The following CNGB1 variants were observed in gnomAD, a reference collection of about 807,000 sequenced individuals.
The protein encoded by CNGB1 is cyclic nucleotide gated channel subunit beta 1, also known as cyclic nucleotide-gated channel beta-1.
CNGB1 carries 126 observed loss-of-function variants against 151.7 expected under a neutral mutation model. The ratio of observed to expected loss-of-function variants is 0.83; its 90% CI spans 0.72 to 0.96. CNGB1 has a LOEUF of 0.96. Ranked by LOEUF, CNGB1 falls within the 40% of genes least tolerant of loss-of-function variation. The pLI, the probability that CNGB1 is intolerant of heterozygous loss-of-function variation, is 0.00. For missense variants in CNGB1, 1,698 were observed against 1,627.0 expected (o/e 1.04, Z -0.75); for synonymous variants, 623 against 635.1 (o/e 0.98, Z 0.29).
chr16:57,929,647 GAA>G (rs1483984068), intron 17 of CNGB1, among the ~76,000 whole-genome samples: 1 of 152,184 alleles, frequency 6.6e-6, no homozygotes, highest in Non-Finnish European at 1.5e-5. Flanking sequence ...AGGAGAGAAA[GAA>G]AGAGCAAATG....
Position 57,960,757 on chromosome 16 carries a change from C to T in CNGB1, c.534+83G>A, listed in dbSNP as rs1962231313. ...TGAGTTCTGGGGTGGGTGGGGACAG[C>T]CTGCTGGAGGAGGCAGTCCCTCCTG... On this transcript the variant is annotated intron_variant, in intron 8 of 32. Coordinates refer to ENST00000251102, the MANE Select transcript of CNGB1 (RefSeq NM_001297.5). 2.7e-6 allele frequency: 4 copies of T among 1,457,010 alleles called. No homozygotes were observed. The South Asian group carries it at 4.8e-5, about 17-fold the overall frequency. 90.3% of individuals were successfully genotyped at this position (1,457,010 alleles called of 1,614,324 possible).
In CNGB1 at chr16:57,953,656, C is replaced by T. The variant is rs144213857; in HGVS notation, c.875-3116G>A. On this transcript the variant is annotated intron_variant, in intron 12 of 32. Transcript: ENST00000251102. ...CTGAGCCCTAACTCCAAACCTCCAT[C>T]CTTTCTGGCAGGCCTGGGTCATGAT... Among the ~76,000 whole-genome samples, 673 of 152,196 alleles carry T rather than the reference C, an allele frequency of 4.4e-3. 4 individuals carry two copies. Among genetic ancestry groups the T allele is most frequent in the Middle Eastern group, 0.031 (9 of 294 alleles).
chr16:57,888,144 C>G, intron 31 of CNGB1, 70 bp from the exon 32 acceptor site: 1 of 1,497,034 alleles, frequency 6.7e-7, no homozygotes, highest in Non-Finnish European at 9.2e-7. Flanking sequence ...GCTTCTGCAG[C>G]CTCCTTTAAG....
In CNGB1 at chr16:57,884,432, C is replaced by T. The variant is rs186853874; in HGVS notation, c.3488G>A (p.Gly1163Glu). The T allele has an allele frequency of 1.2e-4, 190 of 1,613,608 alleles. No homozygotes were observed. In the East Asian group the frequency reaches 2.6e-3, roughly 22 times the overall value. The stretch of plus-strand genomic sequence containing the variant: ...GTCTGGGGCGGCGGAGCCTTCCTCT[C>T]CCTTGACGTCTTGCGAGCTCTTGGC... ...EQAKSSQDVKGEEGSAAPDQH... is the reference protein window; with the variant it reads ...EQAKSSQDVKEEEGSAAPDQH... Residue 1163 changes from glycine to glutamate, a missense_variant, in exon 33 of 33, where the codon GGA becomes GAA. Transcript: ENST00000251102.
At chr16:57,895,546 ATT>A (rs200850310) in intron 31 of CNGB1, among the ~76,000 whole-genome samples, 5 of 146,260 alleles carry the variant, frequency 3.4e-5, no homozygotes, top group East Asian at 2.0e-4. Context: ...TTATATATGT[ATT>A]TTTTATATAT....
At chr16:57,927,415 A>G (rs1961219633) in intron 17 of CNGB1, among the ~76,000 whole-genome samples, 1 of 152,184 alleles carries the variant, frequency 6.6e-6, no homozygotes, top group Admixed American at 6.5e-5. Context: ...CTCCCCTCTC[A>G]GGGCTGGGCT....
intron 29 of CNGB1, among the ~76,000 whole-genome samples, chr16:57,898,149 G>C (rs1960285546): frequency 6.6e-6 from 1 of 152,194 alleles, no homozygotes; most frequent in East Asian, 1.9e-4. Flanking sequence ...AACTGACAGG[G>C]TTGCAGTGGG....
intron 29 of CNGB1, 99 bp downstream of exon 29, chr16:57,901,253 G>C: frequency 1.7e-6 from 2 of 1,156,146 alleles, no homozygotes; most frequent in Non-Finnish European, 1.3e-6. Flanking sequence ...CAACAATCTC[G>C]CTCTGCCCTG....
At chr16:57,930,661 C>G (rs528940385) in intron 17 of CNGB1, among the ~76,000 whole-genome samples, 23 of 152,072 alleles carry the variant, frequency 1.5e-4, no homozygotes, top group Non-Finnish European at 2.6e-4. Context: ...TGGGACATTA[C>G]TCAGCCTTAA....
intron 9 of CNGB1, 56 bp downstream of exon 9, chr16:57,960,426 T>C: frequency 6.3e-7 from 1 of 1,593,150 alleles, no homozygotes; most frequent in Middle Eastern, 1.7e-4. Flanking sequence ...AGTTGATCCC[T>C]GAGCCCAGCC....
chr16:57,960,643 G>C (rs576829966), intron 8 of CNGB1, 113 bp from the exon 9 acceptor site: 50 of 1,402,746 alleles, frequency 3.6e-5, no homozygotes, highest in Non-Finnish European at 4.9e-5. Flanking sequence ...GGATGGGGGT[G>C]GGGGGTGTCT....
chr16:57,897,333 G>T, intron 31 of CNGB1, 64 bp downstream of exon 31: 1 of 1,541,254 alleles, frequency 6.5e-7, no homozygotes, highest in Non-Finnish European at 9.0e-7. Flanking sequence ...AAGGTACTGT[G>T]GTTATGTAAG....
chr16:57,958,517 G>A (rs145414064), intron 10 of CNGB1, 32 bp from the exon 11 acceptor site: 16 of 1,592,270 alleles, frequency 1.0e-5, no homozygotes, highest in Non-Finnish European at 1.4e-5. Context: ...CGGTGTCCAG[G>A]TGGGAAGGGT....
chr16:57,920,324 A>G (rs1022345201), intron 19 of CNGB1, 63 bp downstream of exon 19: 1 of 1,591,108 alleles, frequency 6.3e-7, no homozygotes, highest in African/African-American at 1.3e-5. Flanking sequence ...ATGAGTTGAC[A>G]GGGAACTTTG....
At chr16:57,935,580 G>A (rs934830301) in intron 16 of CNGB1, among the ~76,000 whole-genome samples, 8 of 151,592 alleles carry the variant, frequency 5.3e-5, no homozygotes, top group African/African-American at 7.3e-5. Context: ...CTCGGGAGGC[G>A]GATGTTGCAG....
At position 57,916,161 on chromosome 16, in the gene CNGB1, G is replaced by A. The variant is rs1352458826; in HGVS notation, c.2185C>T (p.Arg729Ter). The change falls in exon 22 of 33, where the codon CGA becomes TGA. Residue 729 changes from arginine (R) to a stop codon, truncating the protein, a stop_gained. Coordinates refer to ENST00000251102, the MANE Select transcript of CNGB1 (RefSeq NM_001297.5). LOFTEE classifies it high-confidence loss of function. Reference sequence around the variant, plus strand: ...CGGCGAGACTTCAGGTAGTTATTTCGCATGTCCTTTTTGTCCGTCTGAAAG... The same window carrying A: ...CGGCGAGACTTCAGGTAGTTATTTCACATGTCCTTTTTGTCCGTCTGAAAG... ...GDIITDKKDM[R>*]NNYLKSRRFK... The A allele has an allele frequency of 9.3e-6, 15 of 1,613,784 alleles. No individual in the cohort carries two copies. Among genetic ancestry groups the A allele is most frequent in the African/African-American group, 4.0e-5 (3 of 74,890 alleles).
intron 9 of CNGB1, among the ~76,000 whole-genome samples, 171 bp from the exon 10 acceptor site, chr16:57,960,236 G>A (rs1962208361): frequency 6.6e-6 from 1 of 152,184 alleles, no homozygotes; most frequent in Non-Finnish European, 1.5e-5. Flanking sequence ...AGGGAACTGA[G>A]ACCCAGGGAG....
rs1429894006 is a variant in CNGB1, at chr16:57,901,451, A to C, written c.2893-16T>G. 1 of 1,614,132 alleles carries C rather than the reference A, an allele frequency of 6.2e-7. No individual in the cohort carries two copies. The highest frequency in any genetic ancestry group is 1.1e-5 in the South Asian group (1 of 91,074). On this transcript the variant is annotated splice_polypyrimidine_tract_variant and intron_variant, in intron 28 of 32. Coordinates refer to ENST00000251102, the MANE Select transcript of CNGB1 (RefSeq NM_001297.5). Reference sequence around the variant, plus strand: ...GGTCACAGCCCTGTCCCGGTGAGGAAGGGAAAGGAACTTTTTAGAGAAGAT... The same window carrying C: ...GGTCACAGCCCTGTCCCGGTGAGGACGGGAAAGGAACTTTTTAGAGAAGAT...
Position 57,960,957 on chromosome 16 carries a change from C to T in CNGB1, c.459-42G>A, listed in dbSNP as rs758015722. The T allele has an allele frequency of 4.5e-5, 72 of 1,596,092 alleles. 1 individual carries two copies. In the South Asian group the frequency reaches 6.4e-4, roughly 14 times the overall value. On this transcript the variant is annotated intron_variant, in intron 7 of 32. Coordinates refer to ENST00000251102, the MANE Select transcript of CNGB1 (RefSeq NM_001297.5). The stretch of plus-strand genomic sequence containing the variant: ...GATCAGCAGAGTGCCCTGAGGGAAC[C>T]GGCCAGCGCACTAACAGCCCACCTC...
Sources: gnomAD v4.1 joint callset for allele counts (sites outside exome capture counted in the v4.1 genomes callset) on GRCh38, gnomAD v4.1.1 for gene constraint, MANE v1.5 for transcripts, NCBI Gene and HGNC (gene_info 2026-07-23, HGNC 2026-07-21) for gene names.